Variants in FAT4 observed in about 807,000 individuals in gnomAD.
FAT4 encodes protocadherin Fat 4.
Under a neutral mutation model 303.9 loss-of-function variants are expected in FAT4, and 84 were observed. The ratio of observed to expected loss-of-function variants is 0.28; its 90% CI spans 0.23 to 0.33. FAT4 has a LOEUF of 0.33. Among genes scored for constraint, FAT4 ranks in the 10% least tolerant of loss-of-function variants. The pLI is 1.00. For synonymous variants in FAT4, 2,307 were observed against 2,298.8 expected (o/e 1.00, Z -0.10); for missense variants, 6,005 against 6,146.8 (o/e 0.98, Z 0.77).
At position 125,491,438 on chromosome 4, in the gene FAT4, A is replaced by C; in HGVS notation, c.14622A>C (p.Gln4874His). 1 of 1,614,130 alleles carries C rather than the reference A, an allele frequency of 6.2e-7. No homozygotes were observed. The highest frequency in any genetic ancestry group is 8.5e-7 in the Non-Finnish European group (1 of 1,179,996). Residue 4874 changes from glutamine (Q) to histidine (H), a missense_variant, in exon 18 of 18, where the codon CAA (glutamine) becomes CAC (histidine). By Grantham distance (24) the Gln-to-His change is conservative (BLOSUM62 0). Transcript: ENST00000394329. ...CTTCCAGAATGCCCAAATTATCTCA[A>C]GTCAATGAATCTGATGCAGATGATG... ...VYTSRMPKLS[Q>H]VNESDADDED...
At chr4:125,396,941 T>TGC (rs1734204126) in intron 2 of FAT4, among the ~76,000 whole-genome samples, 1 of 42,270 alleles carries the variant, frequency 2.4e-5, no homozygotes, top group African/African-American at 8.3e-5. Context: ...TATATATATA[T>TGC]ATATATATAT....
chr4:125,457,550 GA>G (rs973169616), intron 10 of FAT4, among the ~76,000 whole-genome samples: 18 of 151,228 alleles, frequency 1.2e-4, no homozygotes, highest in African/African-American at 4.1e-4. Context: ...AGAACCAAAA[GA>G]AAATTGAAAA....
chr4:125,381,276 C>A (rs1733529645), intron 2 of FAT4, among the ~76,000 whole-genome samples: 1 of 152,150 alleles, frequency 6.6e-6, no homozygotes, highest in African/African-American at 2.4e-5. Context: ...CTATACTTTT[C>A]TAAGCCCATA....
intron 2 of FAT4, among the ~76,000 whole-genome samples, chr4:125,375,600 T>TCTGATGTA (rs1733282849): frequency 6.6e-6 from 1 of 152,228 alleles, no homozygotes; most frequent in Admixed American, 6.5e-5. Context: ...ATCACTGCAC[T>TCTGATGTA]AAGAGTAAAC....
At chr4:125,341,833 G>A (rs1731809578) in intron 2 of FAT4, among the ~76,000 whole-genome samples, 1 of 151,870 alleles carries the variant, frequency 6.6e-6, no homozygotes, top group African/African-American at 2.4e-5. Flanking sequence ...TTTAAATAAA[G>A]GATTTTGAAA....
intron 6 of FAT4, 82 bp downstream of exon 6, chr4:125,415,888 G>C (rs573188871): frequency 1.2e-5 from 13 of 1,055,590 alleles, no homozygotes; most frequent in Non-Finnish European, 1.8e-5. Flanking sequence ...CAGCGTTTAC[G>C]CTTCCCCTGT....
chr4:125,414,591 C>T lies in FAT4; in HGVS notation c.5921-293C>T, dbSNP rs185810887. Among the ~76,000 whole-genome samples, 315 of 152,136 alleles carry T rather than the reference C, an allele frequency of 2.1e-3. 2 individuals are homozygous for T. The highest frequency in any genetic ancestry group is 7.0e-3 in the African/African-American group (292 of 41,532). On this transcript the variant is annotated intron_variant, in intron 5 of 17. Transcript: ENST00000394329. The stretch of plus-strand genomic sequence containing the variant: ...TACAAATGTTTGACTAATAGTATAG[C>T]GTGTGGCACTGTTAGTGTTGGACCA...
intron 2 of FAT4, among the ~76,000 whole-genome samples, chr4:125,349,917 C>T (rs1021984678): frequency 1.3e-5 from 2 of 151,638 alleles, no homozygotes; most frequent in East Asian, 3.9e-4. Flanking sequence ...GCAATCTTGA[C>T]ACATATATTG....
chr4:125,441,700 A>G (rs17803397), intron 8 of FAT4, among the ~76,000 whole-genome samples: 47,752 of 151,996 alleles, frequency 0.31, 9,117 homozygotes, highest in Non-Finnish European at 0.43. Flanking sequence ...CTTCCTCAAA[A>G]TCTTTCAATT....
intron 2 of FAT4, among the ~76,000 whole-genome samples, chr4:125,334,268 C>A (rs1731490373): frequency 6.6e-6 from 1 of 152,040 alleles, no homozygotes; most frequent in African/African-American, 2.4e-5. Context: ...TTTTGTTATG[C>A]AAATGCGGCT....
intron 2 of FAT4, among the ~76,000 whole-genome samples, chr4:125,330,565 C>T (rs1578528500): frequency 6.6e-6 from 1 of 152,186 alleles, no homozygotes; most frequent in African/African-American, 2.4e-5. Flanking sequence ...ATTGTTTGAT[C>T]TGTCTTCTTC....
chr4:125,449,367 A>T lies in FAT4; in HGVS notation c.8357A>T (p.Asn2786Ile). Residue 2786 changes from asparagine (N) to isoleucine (I), a missense_variant, in exon 10 of 18, where the codon AAT becomes ATT. Transcript: ENST00000394329. ...SQIFSAHVPE[N>I]SPLGYTVTRV... ...ATATTTAGTGCCCATGTTCCTGAAA[A>T]TTCCCCCTTAGGATACACAGTTACC... is the stretch of plus-strand genomic sequence containing the variant. 3.7e-6 allele frequency: 6 copies of T among 1,613,820 alleles called. No individual in the cohort carries two copies. The highest frequency in any genetic ancestry group is 5.1e-6 in the Non-Finnish European group (6 of 1,179,872).
chr4:125,438,177 A>G (rs1725525549), intron 8 of FAT4, among the ~76,000 whole-genome samples: 1 of 152,148 alleles, frequency 6.6e-6, no homozygotes, highest in Non-Finnish European at 1.5e-5. Context: ...CTCTTGTATG[A>G]GATGTATAAA....
intron 2 of FAT4, among the ~76,000 whole-genome samples, chr4:125,349,281 T>C (rs1035047661): frequency 1.1e-4 from 17 of 151,802 alleles, no homozygotes; most frequent in Non-Finnish European, 1.0e-4. Context: ...TAATGCATTA[T>C]TCAGCATTCT....
At chr4:125,478,222 T>G (rs995247026) in intron 14 of FAT4, among the ~76,000 whole-genome samples, 5 of 152,210 alleles carry the variant, frequency 3.3e-5, no homozygotes. Flanking sequence ...TAACATTTTC[T>G]ATTTGCCTTT....
At chr4:125,473,616 AC>A (rs1726933746) in intron 12 of FAT4, among the ~76,000 whole-genome samples, 1 of 151,828 alleles carries the variant, frequency 6.6e-6, no homozygotes, top group Non-Finnish European at 1.5e-5. Flanking sequence ...ACATCACCTC[AC>A]CCCCATTCTC....
chr4:125,433,032 G>C (rs768614021), intron 7 of FAT4, among the ~76,000 whole-genome samples: 4 of 151,978 alleles, frequency 2.6e-5, no homozygotes, highest in Non-Finnish European at 5.9e-5. Context: ...ACACACATCT[G>C]AGCATAAAAG....
chr4:125,334,235 G>A (rs1159751425), intron 2 of FAT4, among the ~76,000 whole-genome samples: 1 of 151,966 alleles, frequency 6.6e-6, no homozygotes, highest in Non-Finnish European at 1.5e-5. Context: ...CAAAAACATG[G>A]AATTTAAAGT....
chr4:125,320,181 A>G lies in FAT4; in HGVS notation c.3770A>G (p.Gln1257Arg). 1 of 1,613,834 alleles carries G rather than the reference A, an allele frequency of 6.2e-7. No individual in the cohort carries two copies. The highest frequency in any genetic ancestry group is 8.5e-7 in the Non-Finnish European group (1 of 1,179,706). The change falls in exon 2 of 18, where the codon CAG becomes CGG. Residue 1257 changes from glutamine to arginine, a missense_variant. Transcript: ENST00000394329. Reference protein sequence around the residue: ...YSIIKGNEERQFAIDSTSGQV... With the variant: ...YSIIKGNEERRFAIDSTSGQV... ...ATAATAAAAGGAAATGAAGAAAGAC[A>G]GTTTGCTATAGACAGTACCTCTGGT...
Sources: gnomAD v4.1 joint callset for allele counts (sites outside exome capture counted in the v4.1 genomes callset) on GRCh38, gnomAD v4.1.1 for gene constraint, MANE v1.5 for transcripts, NCBI Gene and HGNC (gene_info 2026-07-23, HGNC 2026-07-21) for gene names.